PITPNM2: variants seen among roughly 807,000 people sequenced by gnomAD.
PITPNM2 encodes membrane-associated phosphatidylinositol transfer protein 2.
In PITPNM2, 35 loss-of-function variants were observed where a neutral mutation model predicts 132.2. That is an observed-to-expected ratio of 0.26 (90% CI 0.20 to 0.35). The LOEUF (loss-of-function observed/expected upper bound fraction) is 0.35. PITPNM2 is among the 10% of genes least tolerant of loss of function. PITPNM2 has a pLI of 1.00. For synonymous variants in PITPNM2, 738 were observed against 799.2 expected (o/e 0.92, Z 1.29); for missense variants, 1,332 against 1,912.0 (o/e 0.70, Z 5.66).
At chr12:123,135,175 GAAGTC>G (rs2043349575) in intron 1 of PITPNM2, among the ~76,000 whole-genome samples, 1 of 152,106 alleles carries the variant, frequency 6.6e-6, no homozygotes, top group Admixed American at 6.5e-5. Context: ...CACAAAGGCA[GAAGTC>G]AAGCAAAGAC....
chr12:123,059,793 T>G (rs2041172598), intron 2 of PITPNM2, among the ~76,000 whole-genome samples: 1 of 152,000 alleles, frequency 6.6e-6, no homozygotes, highest in African/African-American at 2.4e-5. Flanking sequence ...TGCAGACAGA[T>G]GGTGGCCAGG....
chr12:122,990,746 G>C, intron 16 of PITPNM2, 37 bp from the exon 17 acceptor site: 1 of 1,565,196 alleles, frequency 6.4e-7, no homozygotes, highest in Non-Finnish European at 8.7e-7. Flanking sequence ...AGGTAAGAGA[G>C]GCCCTGCCCA....
chr12:123,085,157 G>A (rs1205598212), intron 2 of PITPNM2, among the ~76,000 whole-genome samples: 3 of 152,218 alleles, frequency 2.0e-5, no homozygotes, highest in Non-Finnish European at 2.9e-5. Context: ...TGATTTCGAG[G>A]GGCACCTGTC....
At chr12:123,144,279 G>A (rs1375817441) in intron 1 of PITPNM2, among the ~76,000 whole-genome samples, 1 of 152,226 alleles carries the variant, frequency 6.6e-6, no homozygotes, top group Non-Finnish European at 1.5e-5. Context: ...CCCAATCACA[G>A]TGCTGAGGTG....
intron 2 of PITPNM2, among the ~76,000 whole-genome samples, chr12:123,103,350 C>A (rs1006241515): frequency 3.2e-4 from 48 of 152,216 alleles, no homozygotes; most frequent in Middle Eastern, 3.2e-3. Context: ...GGGCCTGACA[C>A]TCCATGGAGG....
intron 3 of PITPNM2, among the ~76,000 whole-genome samples, chr12:123,025,680 C>A (rs2039840774): frequency 6.6e-6 from 1 of 152,110 alleles, no homozygotes; most frequent in Admixed American, 6.5e-5. Flanking sequence ...GATCTGCCTG[C>A]CTCGGCCTCC....
rs1480110750 is a variant in PITPNM2, at chr12:123,009,982, G to T, written c.511C>A (p.Pro171Thr). 1 of 1,614,178 alleles carries T rather than the reference G, an allele frequency of 6.2e-7. No individual in the cohort carries two copies. Among genetic ancestry groups the T allele is most frequent in the Non-Finnish European group, 8.5e-7 (1 of 1,180,026 alleles). The part of the protein sequence containing the change: ...LFQSTKTQRG[P>T]LSENWIEEYK... ...TCCTCGATCCAGTTCTCGGACAGGG[G>T]CCCCCGCTGGGTCTTGGTTGACTGG... Residue 171 changes from proline (P) to threonine (T), a missense_variant, in exon 6 of 26, where the codon CCC becomes ACC. Physicochemically the swap from Pro to Thr is conservative, Grantham distance 38. This residue lies in a region of PITPNM2 where 122 missense variants were observed against 209.6 expected (regional missense o/e 0.58). Transcript: ENST00000320201. This position sits in a 1 kb window ranked among gnomAD's most constrained non-coding sequence, Gnocchi z 4.8.
rs575100226 is a variant in PITPNM2, at chr12:123,095,908, C to T, written c.-96+14477G>A. Among the ~76,000 whole-genome samples, 2 of 152,362 alleles carry T rather than the reference C, an allele frequency of 1.3e-5. No homozygotes were observed. The highest frequency in any genetic ancestry group is 4.1e-4 in the South Asian group (2 of 4,834). ...CCCCAGTGGCAGACCCCCCCAACCC[C>T]ACTTCCACAAGGCTTGGCACTATCG... On this transcript the variant is annotated intron_variant, in intron 2 of 25. Transcript: ENST00000320201. The surrounding 1 kb of genome is among the most constrained non-coding windows in gnomAD (Gnocchi z 5.0).
intron 10 of PITPNM2, among the ~76,000 whole-genome samples, chr12:122,997,829 C>G (rs1181905742): frequency 6.6e-6 from 1 of 152,190 alleles, no homozygotes; most frequent in African/African-American, 2.4e-5. Flanking sequence ...CAGCCCTGCT[C>G]CTGTCTGCCA....
intron 2 of PITPNM2, among the ~76,000 whole-genome samples, chr12:123,086,145 G>A (rs1377044943): frequency 6.6e-6 from 1 of 152,220 alleles, no homozygotes; most frequent in Non-Finnish European, 1.5e-5. Flanking sequence ...AAGGTTGCTG[G>A]AGCCAGGCAA....
rs755013555 is a variant in PITPNM2, at chr12:123,036,163, CG to C, written c.-95-1479del. On this transcript the variant is annotated intron_variant, in intron 2 of 25. Coordinates refer to ENST00000320201, the MANE Select transcript of PITPNM2 (RefSeq NM_020845.3). This position sits in a 1 kb window ranked among gnomAD's most constrained non-coding sequence, Gnocchi z 4.1. ...ACTTCCCCAGGGCACGGCTCTCTAT[CG>C]GGCATTGGAGTATCACCCAGGTGCT... is the stretch of plus-strand genomic sequence containing the variant. 5.3e-5 allele frequency among the ~76,000 whole-genome samples: 8 copies of C among 152,176 alleles called. No homozygotes were observed. Among genetic ancestry groups the C allele is most frequent in the Non-Finnish European group, 7.4e-5 (5 of 68,022 alleles).
At position 123,058,449 on chromosome 12, in the gene PITPNM2, A is replaced by C. The variant is rs1191289964; in HGVS notation, c.-95-23764T>G. On this transcript the variant is annotated intron_variant, in intron 2 of 25. Transcript: ENST00000320201. This position sits in a 1 kb window ranked among gnomAD's most constrained non-coding sequence, Gnocchi z 4.0. ...AAATCCTCCTTCTAGAAACCATTAG[A>C]GGACATCTTCCCAATGCAGATGCAA... 6.6e-6 allele frequency among the ~76,000 whole-genome samples: 1 copy of C among 152,202 alleles called. No homozygotes were observed. The highest frequency in any genetic ancestry group is 1.9e-4 in the East Asian group (1 of 5,198).
chr12:123,011,927 G>A (rs77958303), intron 5 of PITPNM2, among the ~76,000 whole-genome samples: 2 of 152,096 alleles, frequency 1.3e-5, no homozygotes, highest in South Asian at 4.1e-4. Context: ...CAGCAGAGGT[G>A]GGGGGGTTGG....
At chr12:123,014,086 C>T in intron 3 of PITPNM2, 44 bp from the exon 4 acceptor site, 1 of 1,606,552 alleles carries the variant, frequency 6.2e-7, no homozygotes, top group African/African-American at 1.3e-5. Flanking sequence ...GGCCAGAGCA[C>T]TCTTCAGGAG....
chr12:123,103,333 T>C (rs1189940818), intron 2 of PITPNM2, among the ~76,000 whole-genome samples: 1 of 152,218 alleles, frequency 6.6e-6, no homozygotes, highest in Non-Finnish European at 1.5e-5. Flanking sequence ...GACTCTCTTA[T>C]TTGTTCGGGC....
chr12:123,057,329 G>A (rs1182980435), intron 2 of PITPNM2, among the ~76,000 whole-genome samples: 1 of 145,196 alleles, frequency 6.9e-6, no homozygotes, highest in Non-Finnish European at 1.5e-5. Flanking sequence ...GCGGTGAGCC[G>A]AGATCACACC....
At chr12:123,043,038 C>T (rs562288584) in intron 2 of PITPNM2, among the ~76,000 whole-genome samples, 3 of 152,202 alleles carry the variant, frequency 2.0e-5, no homozygotes, top group South Asian at 2.1e-4. Context: ...CCCACAGAAT[C>T]GTCCAATCCC....
chr12:123,013,713 G>T, intron 4 of PITPNM2, 115 bp downstream of exon 4: 2 of 1,192,734 alleles, frequency 1.7e-6, no homozygotes, highest in Non-Finnish European at 1.2e-6. Flanking sequence ...CTGGGGTTAT[G>T]GGTTGTTGAA....
chr12:123,084,693 T>G (rs1222863209), intron 2 of PITPNM2: 2 of 152,100 alleles, frequency 1.3e-5, no homozygotes, highest in African/African-American at 2.4e-5. Flanking sequence ...TTAAAGCAGA[T>G]TTTCTCTTCC....
Sources: allele counts gnomAD v4.1 joint callset (sites outside exome capture counted in the v4.1 genomes callset), GRCh38; gene constraint gnomAD v4.1.1; regional missense constraint gnomAD v4.1.1; non-coding constraint Gnocchi (gnomAD v3.1); transcripts MANE v1.5; gene names NCBI Gene and HGNC (gene_info 2026-07-23, HGNC 2026-07-21).